RTN4IP1: variants seen among roughly 807,000 people sequenced by gnomAD.
RTN4IP1 encodes the protein NAD(P)H oxidoreductase RTN4IP1, mitochondrial.
RTN4IP1 carries 32 observed loss-of-function variants against 46.6 expected under a neutral mutation model. The observed-to-expected ratio is 0.69, with a 90% CI of 0.52 to 0.92. RTN4IP1 has a LOEUF of 0.92. Ranked by LOEUF, RTN4IP1 falls within the 40% of genes least tolerant of loss-of-function variation. The pLI, the probability that RTN4IP1 is intolerant of heterozygous loss-of-function variation, is 0.00. For synonymous variants in RTN4IP1, 167 were observed against 161.8 expected, an observed-to-expected ratio of 1.03 and a Z score of -0.24; for missense variants, 424 against 485.8, an observed-to-expected ratio of 0.87 and a Z score of 1.20.
At chr6:106,582,839 C>A (rs1775401752) in intron 8 of RTN4IP1, among the ~76,000 whole-genome samples, 1 of 152,128 alleles carries the variant, frequency 6.6e-6, no homozygotes, top group Admixed American at 6.5e-5. Flanking sequence ...CACTAGTAGG[C>A]AGAGTACACC....
chr6:106,616,910 A>G (rs1776369968), intron 4 of RTN4IP1, among the ~76,000 whole-genome samples: 1 of 152,206 alleles, frequency 6.6e-6, no homozygotes, highest in Non-Finnish European at 1.5e-5. Context: ...TGTCCCACCA[A>G]AATTCGTATG....
At chr6:106,618,978 C>G (rs1351090429) in intron 4 of RTN4IP1, among the ~76,000 whole-genome samples, 1 of 152,178 alleles carries the variant, frequency 6.6e-6, no homozygotes, top group African/African-American at 2.4e-5. Context: ...ATCCACACAT[C>G]TCAGTTAAAA....
chr6:106,614,901 A>G (rs918758045), intron 4 of RTN4IP1, among the ~76,000 whole-genome samples: 1 of 152,108 alleles, frequency 6.6e-6, no homozygotes, highest in South Asian at 2.1e-4. Flanking sequence ...GCTATTGTAT[A>G]AAACACAAAT....
intron 4 of RTN4IP1, among the ~76,000 whole-genome samples, chr6:106,610,394 C>T (rs17067432): frequency 6.6e-6 from 1 of 152,080 alleles, no homozygotes; most frequent in Non-Finnish European, 1.5e-5. Context: ...AACAATAAGC[C>T]GGTCGGTCTT....
intron 4 of RTN4IP1, among the ~76,000 whole-genome samples, chr6:106,611,059 A>T (rs1012330792): frequency 1.3e-5 from 2 of 151,788 alleles, no homozygotes; most frequent in African/African-American, 4.8e-5. Context: ...AAAAAAAAAA[A>T]CAAAAACACG....
chr6:106,587,922 T>C (rs1189812247), intron 6 of RTN4IP1, 60 bp from the exon 7 acceptor site: 1 of 1,425,536 alleles, frequency 7.0e-7, no homozygotes, highest in East Asian at 2.4e-5. Flanking sequence ...ACTCTGATCC[T>C]CCTTCCCTTC....
chr6:106,623,444 T>C (rs773798473), intron 1 of RTN4IP1, among the ~76,000 whole-genome samples: 4 of 152,146 alleles, frequency 2.6e-5, no homozygotes, highest in Non-Finnish European at 4.4e-5. Context: ...GTATGAGACT[T>C]AATACTTGGG....
chr6:106,610,690 C>T (rs959286701), intron 4 of RTN4IP1, among the ~76,000 whole-genome samples: 1 of 152,144 alleles, frequency 6.6e-6, no homozygotes, highest in Non-Finnish European at 1.5e-5. Flanking sequence ...CACTGTTATT[C>T]AAAATCGCCA....
chr6:106,606,572 G>T (rs1033584786), intron 4 of RTN4IP1, among the ~76,000 whole-genome samples: 1 of 151,982 alleles, frequency 6.6e-6, no homozygotes, highest in Non-Finnish European at 1.5e-5. Context: ...AACCAAGGAG[G>T]TGAAAGATTT....
intron 4 of RTN4IP1, among the ~76,000 whole-genome samples, chr6:106,610,432 T>G (rs1437474205): frequency 1.3e-5 from 2 of 152,158 alleles, no homozygotes; most frequent in Non-Finnish European, 2.9e-5. Context: ...GTGGCTCAAC[T>G]AATTATTCTT....
chr6:106,599,187 T>C (rs1285635001), intron 5 of RTN4IP1, among the ~76,000 whole-genome samples: 4 of 152,012 alleles, frequency 2.6e-5, no homozygotes, highest in Non-Finnish European at 5.9e-5. Context: ...TTCCTTATAA[T>C]AGCTTTGTAT....
chr6:106,590,434 G>A (rs1258202798), intron 6 of RTN4IP1, among the ~76,000 whole-genome samples: 1 of 151,558 alleles, frequency 6.6e-6, no homozygotes, highest in East Asian at 2.0e-4. Context: ...ATACAAGATC[G>A]GGCTGGGCGC....
At chr6:106,591,553 C>T (rs7756087) in intron 6 of RTN4IP1, among the ~76,000 whole-genome samples, 39,762 of 152,020 alleles carry the variant, frequency 0.26, 5,939 homozygotes, top group South Asian at 0.35. Context: ...TCCAAATACT[C>T]CTCATTTCTG....
At chr6:106,581,847 C>T (rs1335600051) in intron 8 of RTN4IP1, among the ~76,000 whole-genome samples, 1 of 152,122 alleles carries the variant, frequency 6.6e-6, no homozygotes. Context: ...ATGTGGACAG[C>T]CTGGAGCAGA....
intron 7 of RTN4IP1, chr6:106,583,654 T>C: frequency 2.4e-6 from 1 of 422,704 alleles, no homozygotes; most frequent in South Asian, 2.3e-5. Flanking sequence ...AGGCTCCTTC[T>C]CTAAACTGTA....
intron 7 of RTN4IP1, among the ~76,000 whole-genome samples, chr6:106,585,633 C>A (rs1775465136): frequency 6.6e-6 from 1 of 152,160 alleles, no homozygotes; most frequent in Non-Finnish European, 1.5e-5. Context: ...TCCCCCCCTA[C>A]CCAGGCCACT....
chr6:106,596,537 C>A (rs1388384188), intron 5 of RTN4IP1, among the ~76,000 whole-genome samples: 1 of 152,160 alleles, frequency 6.6e-6, no homozygotes, highest in Non-Finnish European at 1.5e-5. Flanking sequence ...GAGCTGTGAT[C>A]ATGTCACTGC....
Position 106,629,031 on chromosome 6 carries a change from T to C in RTN4IP1, c.-10A>G. On this transcript the variant is annotated 5_prime_UTR_variant, in exon 1 of 9. Coordinates refer to ENST00000369063, the MANE Select transcript of RTN4IP1 (RefSeq NM_032730.5). Reference sequence around the variant, plus strand: ...TCTTCAGAAATTCCATTGTAAACACTGGTTGAACTGCGTGCTCAAATTCAA... The same window carrying C: ...TCTTCAGAAATTCCATTGTAAACACCGGTTGAACTGCGTGCTCAAATTCAA... The C allele has an allele frequency of 6.3e-7, 1 of 1,599,984 alleles. No individual in the cohort carries two copies. The highest frequency in any genetic ancestry group is 8.5e-7 in the Non-Finnish European group (1 of 1,171,894).
chr6:106,573,997 T>A (rs1775155659), intron 8 of RTN4IP1, among the ~76,000 whole-genome samples: 1 of 152,170 alleles, frequency 6.6e-6, no homozygotes, highest in African/African-American at 2.4e-5. Context: ...GAGCATGACC[T>A]CAGAATCTTC....
Sources: allele counts gnomAD v4.1 joint callset (sites outside exome capture counted in the v4.1 genomes callset), GRCh38; gene constraint gnomAD v4.1.1; transcripts MANE v1.5; gene names NCBI Gene and HGNC (gene_info 2026-07-23, HGNC 2026-07-21).